Variants in SORCS2 observed in about 807,000 individuals in gnomAD.
The protein encoded by SORCS2 is sortilin related VPS10 domain containing receptor 2.
SORCS2 carries 100 observed loss-of-function variants against 141.6 expected under a neutral mutation model. The observed-to-expected ratio is 0.71, with a 90% confidence interval of 0.60 to 0.83. The LOEUF is 0.83. SORCS2 is among the 40% of genes least tolerant of loss of function. The pLI, the probability that SORCS2 is intolerant of heterozygous loss-of-function variation, is 0.00. For synonymous variants in SORCS2, 789 were observed against 676.9 expected, an observed-to-expected ratio of 1.17 and a Z score of -2.57; for missense variants, 1,646 against 1,560.2, an observed-to-expected ratio of 1.05 and a Z score of -0.93.
At chr4:7,351,709 C>CCATCCATCCATCCATCCAT (rs76181180) in intron 1 of SORCS2, among the ~76,000 whole-genome samples, 6 of 151,390 alleles carry the variant, frequency 4.0e-5, no homozygotes, top group African/African-American at 1.5e-4. Context: ...ATCCATCCAT[C>CCATCCATCCATCCATCCAT]CTTCTACCCA....
intron 2 of SORCS2, among the ~76,000 whole-genome samples, chr4:7,475,326 A>T (rs576410174): frequency 6.6e-6 from 1 of 152,288 alleles, no homozygotes; most frequent in East Asian, 1.9e-4. Flanking sequence ...ACAAGGGCAG[A>T]TCAGTGTGTG....
chr4:7,557,512 T>G (rs537925522), intron 3 of SORCS2, among the ~76,000 whole-genome samples: 1 of 152,336 alleles, frequency 6.6e-6, no homozygotes, highest in East Asian at 1.9e-4. Context: ...TATCACACTT[T>G]TAAGTAGATA....
chr4:7,734,097 G>A (rs1327657219), intron 24 of SORCS2, among the ~76,000 whole-genome samples, 175 bp from the exon 25 acceptor site: 2 of 150,888 alleles, frequency 1.3e-5, no homozygotes, highest in Non-Finnish European at 3.0e-5. Context: ...GGGCTGGGGA[G>A]GGAATGGGAA....
intron 1 of SORCS2, among the ~76,000 whole-genome samples, chr4:7,387,765 C>CAGATACACAGAGAT (rs2109088605): frequency 8.0e-6 from 1 of 124,842 alleles, no homozygotes; most frequent in African/African-American, 2.8e-5. Flanking sequence ...CACAGAAATA[C>CAGATACACAGAGAT]ACACATGCAC....
At chr4:7,655,972 G>C (rs1388932640) in intron 5 of SORCS2, among the ~76,000 whole-genome samples, 1 of 152,236 alleles carries the variant, frequency 6.6e-6, no homozygotes, top group Non-Finnish European at 1.5e-5. Flanking sequence ...AAGTTTCCCT[G>C]CTGTTACTCG....
Position 7,714,339 on chromosome 4 carries a change from C to T in SORCS2, c.2089C>T (p.Arg697Cys), listed in dbSNP as rs779383513. The T allele has an allele frequency of 3.7e-5, 58 of 1,567,658 alleles. No individual in the cohort carries two copies. Among genetic ancestry groups the T allele is most frequent in the South Asian group, 4.7e-5 (4 of 85,140 alleles). ...GAGCTTCACGTCGGCGCTCACGTCC[C>T]GCGTGTGCGAGTGCCGGGACTCGGA... ...GRSFTSALTS[R>C]VCECRDSDFL... is the part of the protein sequence containing the mutation. Residue 697 changes from arginine to cysteine, a missense_variant, in exon 16 of 27, where the codon CGC becomes TGC. Transcript: ENST00000507866.
intron 1 of SORCS2, among the ~76,000 whole-genome samples, chr4:7,207,247 A>G (rs1727793600): frequency 6.6e-6 from 1 of 152,114 alleles, no homozygotes; most frequent in South Asian, 2.1e-4. Flanking sequence ...TTTTCTTCCA[A>G]TCCACATCCA....
chr4:7,542,613 A>C (rs1478869505), intron 3 of SORCS2, among the ~76,000 whole-genome samples: 1 of 152,162 alleles, frequency 6.6e-6, no homozygotes, highest in Non-Finnish European at 1.5e-5. Flanking sequence ...TGACACCTTC[A>C]TTTTGAACTC....
chr4:7,302,792 C>T (rs12511181), intron 1 of SORCS2, among the ~76,000 whole-genome samples: 74,621 of 123,858 alleles, frequency 0.6, 19,184 homozygotes, highest in South Asian at 0.7. Flanking sequence ...TGTGTGTGCG[C>T]GCGCGTGTGT....
At chr4:7,481,066 G>C (rs1179400947) in intron 2 of SORCS2, among the ~76,000 whole-genome samples, 3 of 152,236 alleles carry the variant, frequency 2.0e-5, no homozygotes, top group African/African-American at 7.2e-5. Context: ...TCTGACTCCT[G>C]CTAAGTAGCC....
chr4:7,727,707 G>A (rs1384501822), intron 21 of SORCS2, among the ~76,000 whole-genome samples: 1 of 152,184 alleles, frequency 6.6e-6, no homozygotes, highest in Non-Finnish European at 1.5e-5. Context: ...CAAAGCACTT[G>A]TCCCTTGAGC....
At chr4:7,613,707 A>C (rs1481507257) in intron 3 of SORCS2, among the ~76,000 whole-genome samples, 1 of 152,122 alleles carries the variant, frequency 6.6e-6, no homozygotes, top group Non-Finnish European at 1.5e-5. Context: ...GCTGCTACTG[A>C]ATGCCCAGGT....
At chr4:7,318,584 C>T (rs1289958934) in intron 1 of SORCS2, among the ~76,000 whole-genome samples, 3 of 152,270 alleles carry the variant, frequency 2.0e-5, no homozygotes, top group Admixed American at 6.5e-5. Flanking sequence ...CGCATCTATG[C>T]CTATGTTGGG....
At chr4:7,520,325 C>T (rs1248309928) in intron 2 of SORCS2, among the ~76,000 whole-genome samples, 1 of 152,220 alleles carries the variant, frequency 6.6e-6, no homozygotes, top group Non-Finnish European at 1.5e-5. Context: ...GACCAATTCT[C>T]ATGCAGTCAG....
chr4:7,245,535 T>TGCTAGTTGCGTGG (rs1437822850), intron 1 of SORCS2, among the ~76,000 whole-genome samples: 1 of 152,236 alleles, frequency 6.6e-6, no homozygotes, highest in African/African-American at 2.4e-5. Flanking sequence ...CTCGGATGAT[T>TGCTAGTTGCGTGG]CCTCAGGGTC....
intron 1 of SORCS2, among the ~76,000 whole-genome samples, chr4:7,323,605 G>T (rs1367656508): frequency 6.6e-6 from 1 of 152,136 alleles, no homozygotes; most frequent in Non-Finnish European, 1.5e-5. Context: ...GGGGTTGAGG[G>T]CTGGGTTCCC....
intron 2 of SORCS2, among the ~76,000 whole-genome samples, chr4:7,473,607 C>T (rs1005296328): frequency 6.6e-6 from 1 of 152,142 alleles, no homozygotes; most frequent in African/African-American, 2.4e-5. Context: ...AAGACAGAAT[C>T]GGGTCACAAA....
At chr4:7,340,163 G>A (rs1720279945) in intron 1 of SORCS2, among the ~76,000 whole-genome samples, 1 of 152,250 alleles carries the variant, frequency 6.6e-6, no homozygotes, top group Admixed American at 6.5e-5. Context: ...GAGGCTGGGA[G>A]AAGTGGATTT....
chr4:7,710,377 G>C (rs993001745), intron 14 of SORCS2, among the ~76,000 whole-genome samples: 3 of 152,154 alleles, frequency 2.0e-5, no homozygotes, highest in Admixed American at 6.5e-5. Context: ...ACAAGGTCAC[G>C]CCTGGGCCCG....
Sources: allele counts gnomAD v4.1 joint callset (sites outside exome capture counted in the v4.1 genomes callset), GRCh38; gene constraint gnomAD v4.1.1; transcripts MANE v1.5; gene names NCBI Gene and HGNC (gene_info 2026-07-23, HGNC 2026-07-21).